Variants in DISC1 observed in about 807,000 individuals in gnomAD.
The protein encoded by DISC1 is DISC1 scaffold protein.
A neutral mutation model predicts 84.5 loss-of-function variants in DISC1; 57 were observed. That is an observed-to-expected ratio of 0.67 (90% CI 0.55 to 0.84). The LOEUF is 0.84. Among genes scored for constraint, DISC1 ranks in the 40% least tolerant of loss-of-function variants. DISC1 has a pLI of 0.00. For missense variants in DISC1, 1,000 were observed against 1,057.8 expected (o/e 0.95, Z 0.76); for synonymous variants, 411 against 415.2 (o/e 0.99, Z 0.12).
At chr1:231,660,998 A>G (rs1311161067) in intron 1 of DISC1, among the ~76,000 whole-genome samples, 1 of 152,074 alleles carries the variant, frequency 6.6e-6, no homozygotes, top group Non-Finnish European at 1.5e-5. Flanking sequence ...TCCTTCATTT[A>G]TGAACCTTAG....
At chr1:231,985,976 C>G (rs1420740561) in intron 10 of DISC1, among the ~76,000 whole-genome samples, 1 of 152,160 alleles carries the variant, frequency 6.6e-6, no homozygotes, top group East Asian at 1.9e-4. Context: ...GTCTTGTCAT[C>G]AGGATGGGAC....
At position 231,780,250 on chromosome 1, in the gene DISC1, AAG is replaced by A. The variant is rs1553346095; in HGVS notation, c.1634+9182_1634+9183del. Among the ~76,000 whole-genome samples, 745 of 148,610 alleles carry A rather than the reference AAG, an allele frequency of 5.0e-3. 9 individuals carry two copies. Among genetic ancestry groups the A allele is most frequent in the African/African-American group, 0.015 (594 of 39,240 alleles). On this transcript the variant is annotated intron_variant, in intron 6 of 12. Transcript: ENST00000439617. Reference sequence around the variant, plus strand: ...CTTAAAGTATAATAAAAAAAAAAAAAAGAAAAGGAAAGAATGAAAAAAAAAAG... The same window carrying A: ...CTTAAAGTATAATAAAAAAAAAAAAAAAAAGGAAAGAATGAAAAAAAAAAG...
At position 232,023,917 on chromosome 1, in the gene DISC1, A is replaced by C. The variant is rs1349724533; in HGVS notation, c.2308-2518A>C. Among the ~76,000 whole-genome samples the C allele has an allele frequency of 2.0e-5, 3 of 151,638 alleles. No homozygotes were observed. In the East Asian group the frequency reaches 5.8e-4, roughly 29 times the overall value. On this transcript the variant is annotated intron_variant, in intron 11 of 12. Coordinates refer to ENST00000439617, the MANE Select transcript of DISC1 (RefSeq NM_018662.3). ...TTTTTCTTAGTGTCTCATTTATTTCATGTGTGATGACGGTGTTGCTCATTA... is the reference window on the plus strand; with the variant it reads ...TTTTTCTTAGTGTCTCATTTATTTCCTGTGTGATGACGGTGTTGCTCATTA...
In DISC1 at chr1:231,680,522, C is replaced by CT. The variant is rs879077250; in HGVS notation, c.68-13303dup. The stretch of plus-strand genomic sequence containing the variant: ...CTTTTAATTCCCTCATACCAGTGCA[C>CT]TACATTCCAATACTAACATGTGGAA... On this transcript the variant is annotated intron_variant, in intron 1 of 12. Transcript: ENST00000439617. Among the ~76,000 whole-genome samples the CT allele has an allele frequency of 3.3e-5, 5 of 152,238 alleles. No homozygotes were observed. In the South Asian group the frequency reaches 1.0e-3, roughly 32 times the overall value.
intron 3 of DISC1, among the ~76,000 whole-genome samples, chr1:231,725,795 T>C (rs1484725846): frequency 6.6e-6 from 1 of 152,006 alleles, no homozygotes; most frequent in Non-Finnish European, 1.5e-5. Context: ...CTGAGCTGGC[T>C]GAAGGCCCTT....
At chr1:231,644,650 C>T (rs565164951) in intron 1 of DISC1, among the ~76,000 whole-genome samples, 2 of 152,278 alleles carry the variant, frequency 1.3e-5, no homozygotes, top group African/African-American at 4.8e-5. Flanking sequence ...ACAACCTCCT[C>T]AACAGTACAG....
At chr1:231,932,329 G>A (rs547326990) in intron 9 of DISC1, among the ~76,000 whole-genome samples, 1 of 152,196 alleles carries the variant, frequency 6.6e-6, no homozygotes, top group East Asian at 1.9e-4. Flanking sequence ...ACCAATATTT[G>A]TCCCACATTT....
rs1558833089 is a variant in DISC1, at chr1:232,009,045, A to T, written c.2303A>T (p.Lys768Ile). 6.2e-7 allele frequency: 1 copy of T among 1,613,830 alleles called. No homozygotes were observed. Among genetic ancestry groups the T allele is most frequent in the African/African-American group, 1.3e-5 (1 of 75,014 alleles). Residue 768 changes from lysine (K) to isoleucine (I), a missense_variant, in exon 11 of 13, where the codon AAA (lysine) becomes ATA (isoleucine). Around this residue, in one of 3 missense-constraint regions of DISC1, gnomAD observed 397 missense variants for 377.5 expected, o/e 1.05. Transcript: ENST00000439617. The surrounding 1 kb of genome is among the most constrained non-coding windows in gnomAD (Gnocchi z 4.6). ...PSLHCAGGEQ[K>I]EESYILSAEL... ...CTGCACTGTGCTGGAGGTGAACAGA[A>T]AGAGGTCTGTCCTTTTCACATGGCC...
At chr1:232,004,900 CCTT>C (rs1410922234) in intron 10 of DISC1, among the ~76,000 whole-genome samples, 35 of 114,290 alleles carry the variant, frequency 3.1e-4, no homozygotes, top group African/African-American at 1.0e-3. Context: ...TTCCTTCCTT[CCTT>C]CTTTCCTTCC....
In DISC1 at chr1:231,626,934, G is replaced by A. The variant is rs1315291143; in HGVS notation, c.67G>A (p.Gly23Ser). The stretch of plus-strand genomic sequence containing the variant: ...CGGCGGCGGCGTGAGCCACCGCGCA[G>A]GTAGGGGAGCTGCCACAGAGTCCTA... ...AGGGGVSHRA[G>S]SRDCLPPAAC... Residue 23 changes from glycine (G) to serine (S), a missense_variant and splice_region_variant, in exon 1 of 13, where the codon GGC (glycine) becomes AGC (serine). Gly to Ser is a moderately conservative substitution (Grantham distance 56, BLOSUM62 0). This residue lies in a region of DISC1 where 292 missense variants were observed against 280.2 expected (regional missense o/e 1.04). Coordinates refer to ENST00000439617, the MANE Select transcript of DISC1 (RefSeq NM_018662.3). 2.0e-6 allele frequency: 3 copies of A among 1,504,664 alleles called. No individual in the cohort carries two copies. The highest frequency in any genetic ancestry group is 2.6e-6 in the Non-Finnish European group (3 of 1,133,952). The allele number at this position is 1,504,664 out of a possible 1,614,324, so 93.2% of individuals were successfully genotyped here. A position where few individuals can be genotyped will look rare whatever the true frequency, so the allele number is the denominator to read the frequency against.
At chr1:231,870,932 C>T (rs559452704) in intron 9 of DISC1, among the ~76,000 whole-genome samples, 3 of 152,074 alleles carry the variant, frequency 2.0e-5, no homozygotes, top group Non-Finnish European at 4.4e-5. Context: ...TTTAATTTTG[C>T]TCTAGTAATG....
At chr1:231,877,804 A>C (rs1344761478) in intron 9 of DISC1, among the ~76,000 whole-genome samples, 1 of 152,258 alleles carries the variant, frequency 6.6e-6, no homozygotes, top group African/African-American at 2.4e-5. Flanking sequence ...CAACTGAAGA[A>C]TAGGAATGCA....
chr1:231,831,913 C>T (rs953376656), intron 9 of DISC1, among the ~76,000 whole-genome samples: 1 of 151,816 alleles, frequency 6.6e-6, no homozygotes, highest in Non-Finnish European at 1.5e-5. Context: ...GCATAGCCTG[C>T]CTTTGCTGGT....
At chr1:231,653,477 C>G (rs964222518) in intron 1 of DISC1, among the ~76,000 whole-genome samples, 6 of 152,164 alleles carry the variant, frequency 3.9e-5, no homozygotes, top group African/African-American at 1.2e-4. Context: ...TGGATCAGAA[C>G]TGGAAGTGGC....
At chr1:232,026,898 G>A (rs918067333) in intron 12 of DISC1, among the ~76,000 whole-genome samples, 8 of 150,618 alleles carry the variant, frequency 5.3e-5, no homozygotes, top group Admixed American at 2.0e-4. Context: ...ACAGGTGCCC[G>A]CCAGCACGCC....
At chr1:231,870,236 C>T (rs1165748135) in intron 9 of DISC1, among the ~76,000 whole-genome samples, 1 of 152,142 alleles carries the variant, frequency 6.6e-6, no homozygotes. Flanking sequence ...GGCCAGTGTG[C>T]TCTATTTAGT....
intron 10 of DISC1, among the ~76,000 whole-genome samples, chr1:231,987,140 GGT>G: frequency 6.6e-6 from 1 of 152,268 alleles, no homozygotes; most frequent in East Asian, 1.9e-4. Flanking sequence ...TTTGCTCTCT[GGT>G]GGAGTGAAAG....
At chr1:231,851,164 C>G (rs190203392) in intron 9 of DISC1, among the ~76,000 whole-genome samples, 1 of 152,222 alleles carries the variant, frequency 6.6e-6, no homozygotes, top group African/African-American at 2.4e-5. Flanking sequence ...TAAATGTCCT[C>G]ACACATCTGT....
At chr1:231,960,102 T>A (rs1660177289) in intron 10 of DISC1, among the ~76,000 whole-genome samples, 1 of 152,106 alleles carries the variant, frequency 6.6e-6, no homozygotes, top group African/African-American at 2.4e-5. Context: ...TCACTTTCTG[T>A]TCAGTTTGTT....
Sources: gnomAD v4.1 joint callset for allele counts (sites outside exome capture counted in the v4.1 genomes callset) on GRCh38, gnomAD v4.1.1 for gene constraint, gnomAD v4.1.1 regional missense constraint, Gnocchi (gnomAD v3.1) non-coding constraint, MANE v1.5 for transcripts, NCBI Gene and HGNC (gene_info 2026-07-23, HGNC 2026-07-21) for gene names.